PAQR9: variants seen among roughly 807,000 people sequenced by gnomAD.
The protein encoded by PAQR9 is membrane progestin receptor epsilon.
In PAQR9, 12 loss-of-function variants were observed where a neutral mutation model predicts 24.0. The observed-to-expected ratio is 0.50, with a 90% CI of 0.32 to 0.81. The LOEUF (loss-of-function observed/expected upper bound fraction) is 0.81. PAQR9 is among the 30% of genes least tolerant of loss of function. The probability of loss-of-function intolerance (pLI) is 0.03; values close to 1 mark genes in which losing one functional copy is unlikely to be tolerated. For missense variants in PAQR9, 418 were observed against 520.8 expected, an observed-to-expected ratio of 0.80 and a Z score of 1.92; for synonymous variants, 266 against 237.6, an observed-to-expected ratio of 1.12 and a Z score of -1.10.
chr3:142,951,753 C>G (rs1264378424), downstream of PAQR9: 6 of 456,512 alleles, frequency 1.3e-5, no homozygotes, highest in Admixed American at 2.3e-5. Flanking sequence ...TATAGATGCT[C>G]TATCTTCACT....
Position 142,963,456 on chromosome 3 carries a change from G to A in PAQR9, c.-120C>T, listed in dbSNP as rs577537962. 9.6e-6 allele frequency: 10 copies of A among 1,044,984 alleles called. No individual in the cohort carries two copies. In the Admixed American group the frequency reaches 5.5e-4, roughly 57 times the overall value. The allele number at this position is 1,044,984 out of a possible 1,614,324, so 64.7% of individuals were successfully genotyped here. On this transcript the variant is annotated 5_prime_UTR_variant, in exon 1 of 1. Coordinates refer to ENST00000340634, the MANE Select transcript of PAQR9 (RefSeq NM_198504.4). ...TGCCCACGCCGGGGGCGTCGCTGCA[G>A]GTTTAGGAGAAGACCCGTGCCTCCG...
downstream of PAQR9, among the ~76,000 whole-genome samples, chr3:142,952,049 G>T (rs6803607): frequency 2.1e-5 from 3 of 140,474 alleles, no homozygotes; most frequent in South Asian, 2.3e-4. Context: ...GAAAAAGAAG[G>T]GGGGGGGGTG....
At position 142,958,710 on chromosome 3, in the gene PAQR9, G is replaced by A. The variant is rs1443450987; in HGVS notation, c.*3493C>T. On this transcript the variant is annotated 3_prime_UTR_variant, in exon 1 of 1. Coordinates refer to ENST00000340634, the MANE Select transcript of PAQR9 (RefSeq NM_198504.4). ...GCAAGCACTTACAAGCTGGATTTAT[G>A]AATGGAAACATATGAAGGCCACTCT... 1.3e-5 allele frequency among the ~76,000 whole-genome samples: 2 copies of A among 152,164 alleles called. No individual in the cohort carries two copies. The highest frequency in any genetic ancestry group is 2.4e-5 in the African/African-American group (1 of 41,438).
chr3:142,956,759 G>C lies in PAQR9; in HGVS notation c.*5444C>G, dbSNP rs1007233259. Among the ~76,000 whole-genome samples the C allele has an allele frequency of 6.6e-6, 1 of 152,070 alleles. No individual in the cohort carries two copies. On this transcript the variant is annotated 3_prime_UTR_variant, in exon 1 of 1. Transcript: ENST00000340634. ...TCTAGAACAAAAATGCCTACAAACT[G>C]GTTAGAAATCTGCAAACCAGAAATG... is the stretch of plus-strand genomic sequence containing the variant.
rs1934831202 is a variant in PAQR9 at position 142,958,549 on chromosome 3, T to G, written c.*3654A>C. On this transcript the variant is annotated 3_prime_UTR_variant, in exon 1 of 1. Transcript: ENST00000340634. ...ATTTAAAGATAAAAATTCCTGTTTA[T>G]TATTGCTGTTAGTCCTCAGAGTTGG... Among the ~76,000 whole-genome samples, 1 of 152,238 alleles carries G rather than the reference T, an allele frequency of 6.6e-6. No individual in the cohort carries two copies. Among genetic ancestry groups the G allele is most frequent in the Non-Finnish European group, 1.5e-5 (1 of 68,044 alleles).
At chr3:142,953,143 C>T (rs549114665), downstream of PAQR9, among the ~76,000 whole-genome samples, 6 of 152,218 alleles carry the variant, frequency 3.9e-5, no homozygotes, top group African/African-American at 1.2e-4. Flanking sequence ...TGGCACAGTA[C>T]GCCATTAGAA....
In PAQR9 at chr3:142,962,425, G is replaced by T; in HGVS notation, c.912C>A (p.Phe304Leu). ...KIPERIQPGL[F>L]DIIGHSHQLF... ...GCTGGTGGCTGTGGCCGATAATGTC[G>T]AAAAGACCCGGCTGGATGCGCTCGG... Residue 304 changes from phenylalanine to leucine, a missense_variant, in exon 1 of 1, where the codon TTC becomes TTA. Coordinates refer to ENST00000340634, the MANE Select transcript of PAQR9 (RefSeq NM_198504.4). 6.2e-7 allele frequency: 1 copy of T among 1,614,160 alleles called. No individual in the cohort carries two copies. The highest frequency in any genetic ancestry group is 1.1e-5 in the South Asian group (1 of 91,086).
At chr3:142,952,148 G>A (rs1326980404), downstream of PAQR9, among the ~76,000 whole-genome samples, 1 of 152,096 alleles carries the variant, frequency 6.6e-6, no homozygotes, top group Non-Finnish European at 1.5e-5. Flanking sequence ...ATTCTTGTAG[G>A]AGGAATCCTA....
chr3:142,963,250 G>A lies in PAQR9; in HGVS notation c.87C>T (p.Ser29=), dbSNP rs758724808. ...APAASGAARN[S]HSAASRDPPA... is the part of the protein sequence containing the mutation. The stretch of plus-strand genomic sequence containing the variant: ...GGGGGTCCCGGGAGGCGGCAGAGTG[G>A]GAGTTCCGGGCGGCCCCCGAAGCTG... The change falls in exon 1 of 1, where the codon TCC becomes TCT. Residue 29 remains serine, a synonymous_variant. Coordinates refer to ENST00000340634, the MANE Select transcript of PAQR9 (RefSeq NM_198504.4). The A allele has an allele frequency of 3.1e-5, 47 of 1,534,474 alleles. No individual in the cohort carries two copies. The highest frequency in any genetic ancestry group is 3.6e-5 in the Non-Finnish European group (41 of 1,140,860).
At position 142,962,632 on chromosome 3, in the gene PAQR9, C is replaced by G. The variant is rs1314436335; in HGVS notation, c.705G>C (p.Trp235Cys). ...TVACCKSRTD[W>C]CTYPFALRTF... ...TGCGCAGCGCGAACGGGTAGGTACA[C>G]CAGTCGGTACGGCTCTTGCAGCAGG... The change falls in exon 1 of 1, where the codon TGG (tryptophan) becomes TGC (cysteine). Residue 235 changes from tryptophan to cysteine, a missense_variant. Coordinates refer to ENST00000340634, the MANE Select transcript of PAQR9 (RefSeq NM_198504.4). 1 of 1,611,808 alleles carries G rather than the reference C, an allele frequency of 6.2e-7. No individual in the cohort carries two copies. Among genetic ancestry groups the G allele is most frequent in the South Asian group, 1.1e-5 (1 of 90,640 alleles).
At chr3:142,952,492 C>A (rs1171940366), downstream of PAQR9, among the ~76,000 whole-genome samples, 1 of 152,064 alleles carries the variant, frequency 6.6e-6, no homozygotes, top group African/African-American at 2.4e-5. Flanking sequence ...GAGAAGTTAG[C>A]AAATTTTATG....
Position 142,963,174 on chromosome 3 carries a change from C to G in PAQR9, c.163G>C (p.Val55Leu). The change falls in exon 1 of 1, where the codon GTG becomes CTG. Residue 55 changes from valine to leucine, a missense_variant. Physicochemically the swap from Val to Leu is conservative, Grantham distance 32 (BLOSUM62 1). Transcript: ENST00000340634. The stretch of plus-strand genomic sequence containing the variant: ...TAGCCCGACAGGATGAAGCACTCCA[C>G]GAAGTCGTCGGGCACCTCGTCCCAG... ...LRWDEVPDDF[V>L]ECFILSGYRR... 1.3e-6 allele frequency: 2 copies of G among 1,593,772 alleles called. No individual in the cohort carries two copies. Among genetic ancestry groups the G allele is most frequent in the South Asian group, 1.1e-5 (1 of 88,412 alleles).
Position 142,962,109 on chromosome 3 carries a change from G to A in PAQR9, c.*94C>T, listed in dbSNP as rs1560159566. On this transcript the variant is annotated 3_prime_UTR_variant, in exon 1 of 1. Transcript: ENST00000340634. ...TGCAGCACCTTCCTTGAGCAAAGAA[G>A]AAAACACAATGAAATTTGAAAACAA... 6.4e-6 allele frequency: 9 copies of A among 1,408,954 alleles called. No homozygotes were observed. The highest frequency in any genetic ancestry group is 4.6e-5 in the East Asian group (2 of 43,920). The allele number at this position is 1,408,954 out of a possible 1,614,324, so 87.3% of individuals were successfully genotyped here.
downstream of PAQR9, chr3:142,950,625 G>C (rs1017214275): frequency 2.4e-6 from 1 of 420,544 alleles, no homozygotes; most frequent in Admixed American, 2.8e-5. Context: ...TGTATTGAAA[G>C]GCTATGGGGT....
chr3:142,963,634 G>C lies in PAQR9; in HGVS notation c.-298C>G, dbSNP rs1560160557. 1 of 689,540 alleles carries C rather than the reference G, an allele frequency of 1.5e-6. No homozygotes were observed. Among genetic ancestry groups the C allele is most frequent in the Non-Finnish European group, 1.8e-6 (1 of 561,714 alleles). 42.7% of individuals were successfully genotyped at this position (689,540 alleles called of 1,614,324 possible). On this transcript the variant is annotated 5_prime_UTR_variant, in exon 1 of 1. Coordinates refer to ENST00000340634, the MANE Select transcript of PAQR9 (RefSeq NM_198504.4). ...GGCCGCCCGCGCTGCGGCAGCGGCGGCGGCGCGGCTGACTGCGGCGGCAGC... is the reference window on the plus strand; with the variant it reads ...GGCCGCCCGCGCTGCGGCAGCGGCGCCGGCGCGGCTGACTGCGGCGGCAGC...
chr3:142,963,280 G>T lies in PAQR9; in HGVS notation c.57C>A (p.Ala19=). Residue 19 remains alanine, a synonymous_variant, in exon 1 of 1, where the codon GCC becomes GCA. Transcript: ENST00000340634. ...TCCGGGCGGCCCCCGAAGCTGCCGG[G>T]GCCGGGGCCGGAGGGCCTTTTGTGC... is the stretch of plus-strand genomic sequence containing the variant. ...GAGTKGPPAP[A]PAASGAARNS... The T allele has an allele frequency of 6.7e-7, 1 of 1,483,918 alleles. No homozygotes were observed. The highest frequency in any genetic ancestry group is 8.9e-7 in the Non-Finnish European group (1 of 1,120,560). The allele number at this position is 1,483,918 out of a possible 1,614,324, so 91.9% of individuals were successfully genotyped here.
chr3:142,958,897 G>A lies in PAQR9; in HGVS notation c.*3306C>T, dbSNP rs756431733. Among the ~76,000 whole-genome samples the A allele has an allele frequency of 1.3e-5, 2 of 152,120 alleles. No homozygotes were observed. Among genetic ancestry groups the A allele is most frequent in the African/African-American group, 2.4e-5 (1 of 41,418 alleles). On this transcript the variant is annotated 3_prime_UTR_variant, in exon 1 of 1. Coordinates refer to ENST00000340634, the MANE Select transcript of PAQR9 (RefSeq NM_198504.4). ...TCCTCTTCACCTGAGCTGCAAGAAC[G>A]GCAGGGAAGAAAGGAACCCCATTAG...
chr3:142,953,583 G>A (rs1934748740), downstream of PAQR9, among the ~76,000 whole-genome samples: 1 of 152,044 alleles, frequency 6.6e-6, no homozygotes, highest in Non-Finnish European at 1.5e-5. Flanking sequence ...AGTGCACATG[G>A]CTCAAACCGC....
chr3:142,963,505 TA>T lies in PAQR9; in HGVS notation c.-170del. 9.8e-7 allele frequency: 1 copy of T among 1,021,496 alleles called. No homozygotes were observed. The highest frequency in any genetic ancestry group is 1.2e-6 in the Non-Finnish European group (1 of 855,706). The allele number at this position is 1,021,496 out of a possible 1,614,324, so 63.3% of individuals were successfully genotyped here. A position where few individuals can be genotyped will look rare whatever the true frequency, so the allele number is the denominator to read the frequency against. ...CGAGCAGCCGCTCCTAAAAATTAAATAAATCAATAAGAGAATCAATTAATAG... is the reference window on the plus strand; with the variant it reads ...CGAGCAGCCGCTCCTAAAAATTAAATAATCAATAAGAGAATCAATTAATAG... On this transcript the variant is annotated 5_prime_UTR_variant, in exon 1 of 1. Transcript: ENST00000340634.
Sources: gnomAD v4.1 joint callset for allele counts (sites outside exome capture counted in the v4.1 genomes callset) on GRCh38, gnomAD v4.1.1 for gene constraint, MANE v1.5 for transcripts, NCBI Gene and HGNC (gene_info 2026-07-23, HGNC 2026-07-21) for gene names.